The following RIPOR2 variants were observed in gnomAD, a reference collection of about 807,000 sequenced individuals.
The protein encoded by RIPOR2 is rho family-interacting cell polarization regulator 2.
RIPOR2 carries 39 observed loss-of-function variants against 114.5 expected under a neutral mutation model. That is an observed-to-expected ratio of 0.34 (90% CI 0.26 to 0.44). The LOEUF is 0.44. RIPOR2 is among the 20% of genes least tolerant of loss of function. The pLI is 1.00. For missense variants in RIPOR2, 1,007 were observed against 1,255.1 expected (o/e 0.80, Z 2.99); for synonymous variants, 445 against 484.4 (o/e 0.92, Z 1.07).
At chr6:24,982,966 G>C (rs976334334) in intron 1 of RIPOR2, among the ~76,000 whole-genome samples, 2 of 152,130 alleles carry the variant, frequency 1.3e-5, no homozygotes, top group Admixed American at 6.5e-5. Flanking sequence ...CCAATGTACA[G>C]CCAATCAGTA....
At chr6:24,823,477 A>G (rs1759878898) in intron 19 of RIPOR2, among the ~76,000 whole-genome samples, 1 of 152,232 alleles carries the variant, frequency 6.6e-6, no homozygotes, top group African/African-American at 2.4e-5. Context: ...ACAGTACTTG[A>G]CAGGTATTAT....
At chr6:24,972,779 A>G (rs1773843273) in intron 1 of RIPOR2, among the ~76,000 whole-genome samples, 1 of 152,214 alleles carries the variant, frequency 6.6e-6, no homozygotes, top group African/African-American at 2.4e-5. Context: ...AGCATATGTT[A>G]TGGAAGGAAC....
chr6:24,983,283 T>C (rs954011387), intron 1 of RIPOR2, among the ~76,000 whole-genome samples: 2 of 152,060 alleles, frequency 1.3e-5, no homozygotes, highest in Non-Finnish European at 2.9e-5. Context: ...TATGTATATA[T>C]GGCCTCACTA....
intron 1 of RIPOR2, among the ~76,000 whole-genome samples, chr6:24,913,539 C>G (rs1426633420): frequency 6.6e-6 from 1 of 152,132 alleles, no homozygotes; most frequent in African/African-American, 2.4e-5. Context: ...CAGCACAGAT[C>G]TAAACAACCA....
At chr6:24,810,948 G>A (rs1047835489) in intron 20 of RIPOR2, among the ~76,000 whole-genome samples, 1 of 152,014 alleles carries the variant, frequency 6.6e-6, no homozygotes, top group African/African-American at 2.4e-5. Context: ...GGGATTACAG[G>A]TGTGCGCCAC....
chr6:24,982,739 G>A (rs903491847), intron 1 of RIPOR2, among the ~76,000 whole-genome samples: 1 of 152,080 alleles, frequency 6.6e-6, no homozygotes, highest in Non-Finnish European at 1.5e-5. Context: ...CACTAAAAAC[G>A]ATCTAATATT....
At chr6:24,966,862 T>C (rs545823062) in intron 1 of RIPOR2, among the ~76,000 whole-genome samples, 2 of 152,336 alleles carry the variant, frequency 1.3e-5, no homozygotes, top group African/African-American at 4.8e-5. Flanking sequence ...TCGAAGAGGA[T>C]TAAAAGGCAG....
rs966072761 is a variant in RIPOR2 at position 24,847,725 on chromosome 6, G to A, written c.1164+300C>T. 3.3e-6 allele frequency: 5 copies of A among 1,533,836 alleles called. No homozygotes were observed. In the African/African-American group the frequency reaches 4.1e-5, roughly 13 times the overall value. ...GTGAAAGCAAGATGGGGGAGTTAGT[G>A]GGAAGAATCAGGTTACTACATTTTG... On this transcript the variant is annotated intron_variant, in intron 12 of 21. Transcript: ENST00000643898.
At chr6:24,919,160 T>C (rs969653352) in intron 1 of RIPOR2, among the ~76,000 whole-genome samples, 1 of 152,186 alleles carries the variant, frequency 6.6e-6, no homozygotes, top group African/African-American at 2.4e-5. Context: ...CCTTCTCTGC[T>C]CACATAGAAT....
intron 12 of RIPOR2, among the ~76,000 whole-genome samples, chr6:24,846,480 A>G (rs1307229293): frequency 6.6e-6 from 1 of 151,308 alleles, no homozygotes; most frequent in Non-Finnish European, 1.5e-5. Flanking sequence ...TAATTTTTAA[A>G]TTTTTTGTAG....
rs56326245 is a variant in RIPOR2 at position 24,827,893 on chromosome 6, T to C, written c.2665+244A>G. 0.031 allele frequency among the ~76,000 whole-genome samples: 4,688 copies of C among 152,322 alleles called. 251 individuals are homozygous for C. The highest frequency in any genetic ancestry group is 0.11 in the African/African-American group (4,365 of 41,546). On this transcript the variant is annotated intron_variant, in intron 18 of 21. Transcript: ENST00000643898. Reference sequence around the variant, plus strand: ...TAAATTACAGTGAAAGCTTAAATCATTTACCAGCTTCCTGTAAATGGTACC... The same window carrying C: ...TAAATTACAGTGAAAGCTTAAATCACTTACCAGCTTCCTGTAAATGGTACC...
chr6:24,937,481 C>A (rs891773624), upstream of RIPOR2, among the ~76,000 whole-genome samples: 2 of 152,138 alleles, frequency 1.3e-5, no homozygotes, highest in African/African-American at 4.8e-5. Flanking sequence ...CCCTTTCTGA[C>A]CCTTTTACCA....
At chr6:25,030,699 G>C (rs1383254056) in intron 1 of RIPOR2, among the ~76,000 whole-genome samples, 1 of 151,906 alleles carries the variant, frequency 6.6e-6, no homozygotes, top group East Asian at 1.9e-4. Flanking sequence ...CGTTGTTGTT[G>C]TTTGTTTGTT....
intron 1 of RIPOR2, among the ~76,000 whole-genome samples, chr6:25,006,419 T>C (rs1775564690): frequency 6.6e-6 from 1 of 152,208 alleles, no homozygotes; most frequent in Non-Finnish European, 1.5e-5. Flanking sequence ...TACTTTTTCT[T>C]TGAGGAATAA....
At position 25,029,771 on chromosome 6, in the gene RIPOR2, T is replaced by C. The variant is rs139350001; in HGVS notation, c.76+12080A>G. 4.8e-3 allele frequency among the ~76,000 whole-genome samples: 738 copies of C among 152,238 alleles called. 6 individuals carry two copies. The highest frequency in any genetic ancestry group is 0.015 in the Admixed American group (229 of 15,284). On this transcript the variant is annotated intron_variant, in intron 1 of 13. Transcript: ENST00000510784. ...ACTGCTGTGGGGAAATAGAAGAAAA[T>C]TGATTTTTTTGTCCTTTGAGGGAAT...
intron 14 of RIPOR2, among the ~76,000 whole-genome samples, chr6:24,838,242 T>C (rs1315098336): frequency 2.0e-5 from 3 of 152,134 alleles, no homozygotes; most frequent in Non-Finnish European, 4.4e-5. Flanking sequence ...ACAAGAAATA[T>C]GCACCATGGG....
intron 6 of RIPOR2, among the ~76,000 whole-genome samples, chr6:24,868,180 T>A (rs1239849087): frequency 1.3e-5 from 2 of 152,176 alleles, no homozygotes; most frequent in African/African-American, 4.8e-5. Context: ...TACATACAAA[T>A]CATCCTAGAA....
intron 8 of RIPOR2, among the ~76,000 whole-genome samples, chr6:24,855,520 G>A (rs1763380606): frequency 6.6e-6 from 1 of 152,196 alleles, no homozygotes; most frequent in Non-Finnish European, 1.5e-5. Flanking sequence ...ATTTTGATGA[G>A]CTGGTCCAGA....
chr6:24,806,900 C>T (rs985099249), intron 21 of RIPOR2, among the ~76,000 whole-genome samples: 4 of 152,118 alleles, frequency 2.6e-5, no homozygotes, highest in Non-Finnish European at 4.4e-5. Context: ...GTGGTAAAAT[C>T]AATCTTAGGC....
Sources: gnomAD v4.1 joint callset for allele counts (sites outside exome capture counted in the v4.1 genomes callset) on GRCh38, gnomAD v4.1.1 for gene constraint, MANE v1.5 for transcripts, NCBI Gene and HGNC (gene_info 2026-07-23, HGNC 2026-07-21) for gene names.